TRIOBP: variants seen among roughly 807,000 people sequenced by gnomAD.
TRIOBP encodes TRIO and F-actin binding protein.
TRIOBP carries 169 observed loss-of-function variants against 238.8 expected under a neutral mutation model. The observed-to-expected ratio is 0.71, with a 90% CI of 0.62 to 0.80. The LOEUF is 0.80. Ranked by LOEUF, TRIOBP falls within the 30% of genes least tolerant of loss-of-function variation. TRIOBP has a pLI of 0.00. For missense variants in TRIOBP, 2,838 were observed against 3,122.6 expected, an observed-to-expected ratio of 0.91 and a Z score of 2.17; for synonymous variants, 1,150 against 1,274.4, an observed-to-expected ratio of 0.90 and a Z score of 2.08.
At chr22:37,700,381 G>T (rs1464328870) in intron 2 of TRIOBP, among the ~76,000 whole-genome samples, 1 of 150,540 alleles carries the variant, frequency 6.6e-6, no homozygotes, top group African/African-American at 2.4e-5. Context: ...GGGCTCAAGA[G>T]ATCCTCCCAC....
At chr22:37,772,147 C>T (rs767329638) in intron 22 of TRIOBP, among the ~76,000 whole-genome samples, 8 of 152,170 alleles carry the variant, frequency 5.3e-5, no homozygotes, top group Non-Finnish European at 7.3e-5. Context: ...TCTGAGTCTG[C>T]AGCCCGCCTG....
intron 22 of TRIOBP, chr22:37,771,975 T>G (rs749198934): frequency 1.7e-6 from 1 of 599,554 alleles, no homozygotes; most frequent in Non-Finnish European, 3.1e-6. Context: ...ATTATTTAAT[T>G]TATTGATTAT....
At chr22:37,707,019 G>C (rs1200231337) in intron 3 of TRIOBP, among the ~76,000 whole-genome samples, 4 of 152,200 alleles carry the variant, frequency 2.6e-5, no homozygotes, top group Non-Finnish European at 4.4e-5. Flanking sequence ...TGTAATCCCA[G>C]CACTTTGGGA....
In TRIOBP at chr22:37,750,539, G is replaced by A. The variant is rs926720938; in HGVS notation, c.5323-1233G>A. 15 of 431,286 alleles carry A rather than the reference G, an allele frequency of 3.5e-5. No homozygotes were observed. The East Asian group carries it at 4.3e-4, about 12-fold the overall frequency. The allele number at this position is 431,286 out of a possible 1,614,324, so 26.7% of individuals were successfully genotyped here. ...CTTGGGATCGCCCTGGGCAGCCTCCGTCTCAGGTGGAAGACGGGGTGGGCA... is the reference window on the plus strand; with the variant it reads ...CTTGGGATCGCCCTGGGCAGCCTCCATCTCAGGTGGAAGACGGGGTGGGCA... On this transcript the variant is annotated intron_variant, in intron 11 of 23. Coordinates refer to ENST00000644935, the MANE Select transcript of TRIOBP (RefSeq NM_001039141.3).
rs1186295542 is a variant in TRIOBP at position 37,771,743 on chromosome 22, C to T, written c.6936+7C>T. The T allele has an allele frequency of 6.2e-7, 1 of 1,613,970 alleles. No individual in the cohort carries two copies. The highest frequency in any genetic ancestry group is 8.5e-7 in the Non-Finnish European group (1 of 1,179,870). On this transcript the variant is annotated splice_region_variant and intron_variant, in intron 22 of 23. Coordinates refer to ENST00000644935, the MANE Select transcript of TRIOBP (RefSeq NM_001039141.3). Reference sequence around the variant, plus strand: ...GCTCCAGATGATGCAGAAGGTAGGTCCTTCCGCTGGGCTGGGGGCCGTCGG... The same window carrying T: ...GCTCCAGATGATGCAGAAGGTAGGTTCTTCCGCTGGGCTGGGGGCCGTCGG...
chr22:37,717,442 A>G (rs955524000), intron 6 of TRIOBP, among the ~76,000 whole-genome samples: 2 of 152,098 alleles, frequency 1.3e-5, no homozygotes, highest in Non-Finnish European at 2.9e-5. Context: ...CATCCTGCTG[A>G]TTGGTCCATT....
intron 22 of TRIOBP, 174 bp downstream of exon 22, chr22:37,771,910 C>CT (rs1453876552): frequency 4.2e-6 from 3 of 712,418 alleles, no homozygotes; most frequent in African/African-American, 1.7e-5. Flanking sequence ...GAAACTGAGA[C>CT]TAAGAAAGGG....
chr22:37,759,362 G>C (rs1371829792), intron 17 of TRIOBP, 98 bp downstream of exon 17: 3 of 1,347,380 alleles, frequency 2.2e-6, no homozygotes, highest in Non-Finnish European at 3.2e-6. Context: ...TCCTGTGTGT[G>C]CTGGAACCTG....
Position 37,713,351 on chromosome 22 carries a change from T to C in TRIOBP, c.396T>C (p.Ser132=), listed in dbSNP as rs1280290209. 1 of 1,614,004 alleles carries C rather than the reference T, an allele frequency of 6.2e-7. No homozygotes were observed. The highest frequency in any genetic ancestry group is 1.7e-5 in the Admixed American group (1 of 60,016). Residue 132 remains serine (S), a synonymous_variant, in exon 5 of 24, where the codon TCT becomes TCC. Coordinates refer to ENST00000644935, the MANE Select transcript of TRIOBP (RefSeq NM_001039141.3). ...GCAGCTGCAACGAGGACCCCGGCTC[T>C]GACCCCACCTCCAGCCCTGACTCCG... ...LCGSCNEDPG[S]DPTSSPDSAT... is the part of the protein sequence containing the mutation.
chr22:37,759,113 C>G, intron 16 of TRIOBP, 41 bp from the exon 17 acceptor site: 1 of 1,541,160 alleles, frequency 6.5e-7, no homozygotes. Flanking sequence ...CCAGCCCTGC[C>G]CCAGCTTCCA....
chr22:37,759,453 A>C, intron 17 of TRIOBP, 189 bp downstream of exon 17: 2 of 1,479,644 alleles, frequency 1.4e-6, no homozygotes, highest in South Asian at 1.1e-5. Context: ...TTTACAGACA[A>C]GGCCACTGAG....
rs150499644 is a variant in TRIOBP, at chr22:37,759,182, C to T, written c.6242C>T (p.Ala2081Val). 2.4e-5 allele frequency: 38 copies of T among 1,612,758 alleles called. No individual in the cohort carries two copies. The highest frequency in any genetic ancestry group is 2.4e-5 in the Non-Finnish European group (28 of 1,179,944). ...EVQALRAQLE[A>V]WRLQGEAPQS... ...CAGGCTCTTCGGGCCCAGCTGGAGG[C>T]GTGGCGTCTCCAAGGGGAGGCTCCT... The change falls in exon 17 of 24, where the codon GCG becomes GTG. Residue 2081 changes from alanine (A) to valine (V), a missense_variant. By Grantham distance (64) the Ala-to-Val change is moderately conservative. Around this residue, in one of 5 missense-constraint regions of TRIOBP, gnomAD observed 2,096 missense variants for 2,137.4 expected, o/e 0.98. Coordinates refer to ENST00000644935, the MANE Select transcript of TRIOBP (RefSeq NM_001039141.3).
rs1182749313 is a variant in TRIOBP, at chr22:37,726,130, C to G, written c.3574C>G (p.Pro1192Ala). 1 of 1,554,066 alleles carries G rather than the reference C, an allele frequency of 6.4e-7. No individual in the cohort carries two copies. Among genetic ancestry groups the G allele is most frequent in the Non-Finnish European group, 8.7e-7 (1 of 1,144,544 alleles). The change falls in exon 7 of 24, where the codon CCT (proline) becomes GCT (alanine). Residue 1192 changes from proline (P) to alanine (A), a missense_variant. By Grantham distance (27) the Pro-to-Ala change is conservative. Around this residue, in one of 5 missense-constraint regions of TRIOBP, gnomAD observed 2,096 missense variants for 2,137.4 expected, o/e 0.98. Coordinates refer to ENST00000644935, the MANE Select transcript of TRIOBP (RefSeq NM_001039141.3). ...PEPSLFFQDP[P>A]GTSMESLAPS... is the part of the protein sequence containing the mutation. The stretch of plus-strand genomic sequence containing the variant: ...GCCATCCCTCTTCTTCCAGGATCCC[C>G]CTGGAACTAGTATGGAGAGCCTGGC...
In TRIOBP at chr22:37,738,632, T is replaced by C; in HGVS notation, c.5107-10T>C. 6.2e-7 allele frequency: 1 copy of C among 1,613,612 alleles called. No homozygotes were observed. Among genetic ancestry groups the C allele is most frequent in the Non-Finnish European group, 8.5e-7 (1 of 1,179,772 alleles). On this transcript the variant is annotated splice_polypyrimidine_tract_variant and intron_variant, in intron 9 of 23. Coordinates refer to ENST00000644935, the MANE Select transcript of TRIOBP (RefSeq NM_001039141.3). ...GTTGGGCTAAGCTGTGTTCTTTTTT[T>C]AATCTCCAGTTCCAACCAGAGGAGC... is the stretch of plus-strand genomic sequence containing the variant.
intron 15 of TRIOBP, among the ~76,000 whole-genome samples, chr22:37,756,329 G>T (rs1288242993): frequency 6.7e-6 from 1 of 150,350 alleles, no homozygotes; most frequent in Non-Finnish European, 1.5e-5. Context: ...GCCGTGGTAG[G>T]GTGCGCCTGT....
At chr22:37,707,372 T>C (rs1298475409) in intron 3 of TRIOBP, among the ~76,000 whole-genome samples, 3 of 152,194 alleles carry the variant, frequency 2.0e-5, no homozygotes, top group Non-Finnish European at 4.4e-5. Flanking sequence ...TCTGCCACTC[T>C]GGACCTATTC....
In TRIOBP at chr22:37,771,806, CT is replaced by C. The variant is rs755959239; in HGVS notation, c.6936+71del. 271 of 1,389,062 alleles carry C rather than the reference CT, an allele frequency of 2.0e-4. 1 individual carries two copies. The highest frequency in any genetic ancestry group is 2.6e-4 in the Non-Finnish European group (254 of 981,080). The allele number at this position is 1,389,062 out of a possible 1,614,324, so 86.0% of individuals were successfully genotyped here. On this transcript the variant is annotated intron_variant, in intron 22 of 23. Transcript: ENST00000644935. Reference sequence around the variant, plus strand: ...CATCTGGATGCCATCCTGTGAGCACCTGCTCTGTGCCAAGCCCTCCACTCGC... The same window carrying C: ...CATCTGGATGCCATCCTGTGAGCACCGCTCTGTGCCAAGCCCTCCACTCGC...
At chr22:37,743,106 A>G (rs1024633423) in intron 11 of TRIOBP, among the ~76,000 whole-genome samples, 3 of 152,140 alleles carry the variant, frequency 2.0e-5, no homozygotes, top group African/African-American at 7.2e-5. Context: ...TCCCCATTAG[A>G]AAGATGCGGC....
At position 37,770,197 on chromosome 22, in the gene TRIOBP, G is replaced by C. The variant is rs542159056; in HGVS notation, c.6849+822G>C. On this transcript the variant is annotated intron_variant, in intron 21 of 23. Transcript: ENST00000644935. ...CTCACGCCTGTAATCCCAGCACTTT[G>C]GGAGGCCGAGGCGGGCAGATCACGA... Among the ~76,000 whole-genome samples, 7 of 146,312 alleles carry C rather than the reference G, an allele frequency of 4.8e-5. No homozygotes were observed. In the East Asian group the frequency reaches 1.3e-3, roughly 28 times the overall value.
Sources: gnomAD v4.1 joint callset for allele counts (sites outside exome capture counted in the v4.1 genomes callset) on GRCh38, gnomAD v4.1.1 for gene constraint, gnomAD v4.1.1 regional missense constraint, MANE v1.5 for transcripts, NCBI Gene and HGNC (gene_info 2026-07-23, HGNC 2026-07-21) for gene names.